HDAC4: variants seen among roughly 807,000 people sequenced by gnomAD.
HDAC4 encodes histone deacetylase 4.
In HDAC4, 16 loss-of-function variants were observed where a neutral mutation model predicts 135.1. The ratio of observed to expected loss-of-function variants is 0.12; its 90% CI spans 0.08 to 0.18. The LOEUF is 0.18. HDAC4 is among the 10% of genes least tolerant of loss of function. The pLI is 1.00. For missense variants in HDAC4, 1,143 were observed against 1,511.8 expected (o/e 0.76, Z 4.05); for synonymous variants, 685 against 653.4 (o/e 1.05, Z -0.74).
At chr2:239,332,084 T>C (rs1198442608) in intron 2 of HDAC4, among the ~76,000 whole-genome samples, 3 of 152,156 alleles carry the variant, frequency 2.0e-5, no homozygotes, top group South Asian at 2.1e-4. Context: ...AGGCTTAAAA[T>C]AGCTTCAAAA....
At chr2:239,180,019 C>T (rs1420398105) in intron 4 of HDAC4, among the ~76,000 whole-genome samples, 2 of 152,202 alleles carry the variant, frequency 1.3e-5, no homozygotes, top group Non-Finnish European at 2.9e-5. Flanking sequence ...CTGTGGGCGC[C>T]AACCTTCAGC....
chr2:239,102,828 C>T lies in HDAC4; in HGVS notation c.2181G>A (p.Leu727=). Residue 727 remains leucine, a synonymous_variant, in exon 16 of 27, where the codon CTG becomes CTA. Transcript: ENST00000543185. Reference sequence around the variant, plus strand: ...GCCGGTTGAGGGGGTTCGTGCCATACAGGAGGGTGTGGGCTTCCGAGTGCA... The same window carrying T: ...GCCGGTTGAGGGGGTTCGTGCCATATAGGAGGGTGTGGGCTTCCGAGTGCA... ...QTVHSEAHTL[L]YGTNPLNRQK... 1 of 1,613,946 alleles carries T rather than the reference C, an allele frequency of 6.2e-7. No individual in the cohort carries two copies. Among genetic ancestry groups the T allele is most frequent in the Non-Finnish European group, 8.5e-7 (1 of 1,180,010 alleles).
intron 16 of HDAC4, among the ~76,000 whole-genome samples, chr2:239,099,222 A>G (rs12466878): frequency 0.29 from 44,445 of 151,996 alleles, 6,678 homozygotes; most frequent in Non-Finnish European, 0.33. Flanking sequence ...CACAGGTTTG[A>G]AAGACTGAAG....
chr2:239,332,115 CAG>C lies in HDAC4; in HGVS notation c.22+20561_22+20562del, dbSNP rs373071267. On this transcript the variant is annotated intron_variant, in intron 2 of 26. Coordinates refer to ENST00000543185, the MANE Select transcript of HDAC4 (RefSeq NM_001378414.1). ...CAAAATAAACAAAGGCTAAACCTGA[CAG>C]AGCTAAAAAGAGAAACAATGCCAAT... Among the ~76,000 whole-genome samples the C allele has an allele frequency of 3.4e-4, 52 of 152,298 alleles. No individual in the cohort carries two copies. The East Asian group carries it at 9.3e-3, about 27-fold the overall frequency.
chr2:239,398,084 AGT>A (rs1553618326), intron 1 of HDAC4, among the ~76,000 whole-genome samples: 1 of 190 alleles, frequency 5.3e-3, no homozygotes, highest in Non-Finnish European at 9.6e-3. Context: ...ATCCCCAGCT[AGT>A]CATCAATTCT....
At position 239,338,236 on chromosome 2, in the gene HDAC4, C is replaced by T. The variant is rs376274691; in HGVS notation, c.22+14442G>A. Among the ~76,000 whole-genome samples the T allele has an allele frequency of 3.9e-5, 6 of 152,316 alleles. No individual in the cohort carries two copies. In the South Asian group the frequency reaches 8.3e-4, roughly 21 times the overall value. On this transcript the variant is annotated intron_variant, in intron 2 of 26. Transcript: ENST00000543185. ...TAGACCTCCCGTGGCACCTCTCTCG[C>T]GACTCAAAGCCAGTGCAGTGAGTTC...
chr2:239,289,164 A>G (rs1000229194), intron 2 of HDAC4, among the ~76,000 whole-genome samples: 1 of 152,246 alleles, frequency 6.6e-6, no homozygotes, highest in Non-Finnish European at 1.5e-5. Flanking sequence ...ATGGTTCTCA[A>G]AATGAGAAAA....
chr2:239,115,215 C>A lies in HDAC4; in HGVS notation c.1629G>T (p.Glu543Asp). The part of the protein sequence containing the change: ...ELREHQALLD[E>D]PYLDRLPGQK... ...GCCCCGGCAGCCGGTCCAGGTAGGG[C>A]TCGTCCAGCAGAGCCTGGTGCTCAC... Residue 543 changes from glutamate (E) to aspartate (D), a missense_variant, in exon 13 of 27, where the codon GAG (glutamate) becomes GAT (aspartate). Physicochemically the swap from Glu to Asp is conservative, Grantham distance 45. Around this residue, in one of 9 missense-constraint regions of HDAC4, gnomAD observed 196 missense variants for 210.7 expected, o/e 0.93. Transcript: ENST00000543185. This position sits in a 1 kb window ranked among gnomAD's most constrained non-coding sequence, Gnocchi z 6.3. 1 of 1,612,118 alleles carries A rather than the reference C, an allele frequency of 6.2e-7. No individual in the cohort carries two copies. Among genetic ancestry groups the A allele is most frequent in the Non-Finnish European group, 8.5e-7 (1 of 1,179,842 alleles).
chr2:239,281,559 ACAC>A (rs1358480522), intron 2 of HDAC4, among the ~76,000 whole-genome samples: 1 of 148,246 alleles, frequency 6.7e-6, no homozygotes, highest in Non-Finnish European at 1.5e-5. Context: ...CACAATGTAC[ACAC>A]CACTCTACAA....
chr2:239,283,715 T>C (rs1471506572), intron 2 of HDAC4, among the ~76,000 whole-genome samples: 1 of 152,066 alleles, frequency 6.6e-6, no homozygotes, highest in African/African-American at 2.4e-5. Context: ...CCGCGAGCGG[T>C]AACAGCAGTG....
At chr2:239,063,440 G>A (rs1041444695) in intron 24 of HDAC4, among the ~76,000 whole-genome samples, 32 of 152,164 alleles carry the variant, frequency 2.1e-4, no homozygotes, top group African/African-American at 7.2e-4. Flanking sequence ...TCCTGACCTC[G>A]TGATCCGCCC....
rs919059569 is a variant in HDAC4 at position 239,105,779 on chromosome 2, G to A, written c.2112+2271C>T. Among the ~76,000 whole-genome samples, 8 of 152,112 alleles carry A rather than the reference G, an allele frequency of 5.3e-5. No homozygotes were observed. The East Asian group carries it at 7.7e-4, about 15-fold the overall frequency. On this transcript the variant is annotated intron_variant, in intron 15 of 26. Coordinates refer to ENST00000543185, the MANE Select transcript of HDAC4 (RefSeq NM_001378414.1). Reference sequence around the variant, plus strand: ...CCCATCCACCCCATCTTCTCCTATCGGGTACCCACTCTAACCATGCCCCGT... The same window carrying A: ...CCCATCCACCCCATCTTCTCCTATCAGGTACCCACTCTAACCATGCCCCGT...
intron 6 of HDAC4, among the ~76,000 whole-genome samples, chr2:239,158,301 G>A (rs1472494400): frequency 6.6e-6 from 1 of 152,118 alleles, no homozygotes; most frequent in Non-Finnish European, 1.5e-5. Context: ...CCATTTCCGC[G>A]TTCACTTTTT....
Position 239,091,147 on chromosome 2 carries a change from G to A in HDAC4, c.2281-1031C>T, listed in dbSNP as rs141668907. 1,001 of 152,384 alleles carry A rather than the reference G, an allele frequency of 6.6e-3. 17 individuals are homozygous for A. Among genetic ancestry groups the A allele is most frequent in the African/African-American group, 0.023 (966 of 41,586 alleles). The allele number at this position is 152,384 out of a possible 1,614,324, so 9.4% of individuals were successfully genotyped here. On this transcript the variant is annotated intron_variant, in intron 17 of 26. Transcript: ENST00000543185. ...TGTGTTGGCTCATTTATTTATTTAG[G>A]CACACCAGAAATTTCTTACAGCCCT...
At chr2:239,062,482 T>C (rs2100172) in intron 24 of HDAC4, among the ~76,000 whole-genome samples, 24,082 of 152,332 alleles carry the variant, frequency 0.16, 2,593 homozygotes, top group Admixed American at 0.35. Flanking sequence ...ATAAAACTAG[T>C]GCTTCCTCCT....
chr2:239,282,467 A>G (rs542631923), intron 2 of HDAC4, among the ~76,000 whole-genome samples: 1 of 147,362 alleles, frequency 6.8e-6, no homozygotes, highest in East Asian at 2.1e-4. Flanking sequence ...ACCACTCTCA[A>G]TGTACACACC....
chr2:239,182,731 C>A (rs956049943), intron 4 of HDAC4, among the ~76,000 whole-genome samples: 5 of 152,202 alleles, frequency 3.3e-5, no homozygotes, highest in Non-Finnish European at 7.3e-5. Flanking sequence ...CAAGCTGAGA[C>A]GTCAGGCCTG....
At chr2:239,149,001 C>T (rs145358036) in intron 7 of HDAC4, among the ~76,000 whole-genome samples, 15 of 152,216 alleles carry the variant, frequency 9.9e-5, no homozygotes, top group South Asian at 2.1e-4. Context: ...ACGTGACACA[C>T]GCTGTAATAA....
In HDAC4 at chr2:239,374,386, C is replaced by CTTTT. The variant is rs755538495; in HGVS notation, c.-219-21472_-219-21469dup. Among the ~76,000 whole-genome samples, 334 of 56,704 alleles carry CTTTT rather than the reference C, an allele frequency of 5.9e-3. 36 individuals are homozygous for CTTTT. Among genetic ancestry groups the CTTTT allele is most frequent in the African/African-American group, 6.4e-3 (82 of 12,800 alleles). 37.2% of individuals were successfully genotyped at this position (56,704 alleles called of 152,430 possible). On this transcript the variant is annotated intron_variant, in intron 1 of 26. Coordinates refer to ENST00000543185, the MANE Select transcript of HDAC4 (RefSeq NM_001378414.1). ...CACCCCAGATGAATAGAAAACAAGG[C>CTTTT]TTTTTTTTTTTTTTTTTTTTTTTTT...
Sources: gnomAD v4.1 joint callset for allele counts (sites outside exome capture counted in the v4.1 genomes callset) on GRCh38, gnomAD v4.1.1 for gene constraint, gnomAD v4.1.1 regional missense constraint, Gnocchi (gnomAD v3.1) non-coding constraint, MANE v1.5 for transcripts, NCBI Gene and HGNC (gene_info 2026-07-23, HGNC 2026-07-21) for gene names.